Variants in TRPA1 observed in about 807,000 individuals in gnomAD.
The protein encoded by TRPA1 is transient receptor potential cation channel subfamily A member 1.
A neutral mutation model predicts 131.3 loss-of-function variants in TRPA1; 129 were observed. The ratio of observed to expected loss-of-function variants is 0.98; its 90% CI spans 0.85 to 1.14. The LOEUF is 1.14. TRPA1 is among the 50% of genes most tolerant of loss of function. TRPA1 has a pLI of 0.00. For synonymous variants in TRPA1, 441 were observed against 451.7 expected, an observed-to-expected ratio of 0.98 and a Z score of 0.30; for missense variants, 1,304 against 1,354.2, an observed-to-expected ratio of 0.96 and a Z score of 0.58.
intron 25 of TRPA1, among the ~76,000 whole-genome samples, chr8:72,024,938 A>C (rs1399627729): frequency 2.0e-5 from 3 of 152,202 alleles, no homozygotes; most frequent in African/African-American, 7.2e-5. Flanking sequence ...AAAAGAACTC[A>C]GGAAGAACAG....
chr8:72,063,029 A>G, intron 5 of TRPA1, 85 bp from the exon 6 acceptor site: 5 of 1,327,572 alleles, frequency 3.8e-6, no homozygotes, highest in Non-Finnish European at 5.2e-6. Flanking sequence ...GAACAAAGGT[A>G]AAAAAACAAT....
At chr8:72,037,926 T>G in intron 20 of TRPA1, 57 bp downstream of exon 20, 1 of 1,028,864 alleles carries the variant, frequency 9.7e-7, no homozygotes, top group East Asian at 2.5e-5. Context: ...ATCAATTAAC[T>G]TATGTTCTGC....
rs753787981 is a variant in TRPA1, at chr8:72,033,647, TA to T, written c.2864del (p.Leu955TyrfsTer19). On this transcript the variant is annotated frameshift_variant, in exon 23 of 27. Coordinates refer to ENST00000262209, the MANE Select transcript of TRPA1 (RefSeq NM_007332.3). LOFTEE classifies it high-confidence loss of function. ...AATATAAGAAAAAACTACTTACAAG[TA>T]AATTCATGAGGACAATTGGGACAAA... ...TIFVPIVLMN[L>X]LIGLAVGDIA... The T allele has an allele frequency of 1.2e-6, 2 of 1,613,216 alleles. No homozygotes were observed. Among genetic ancestry groups the T allele is most frequent in the Non-Finnish European group, 1.7e-6 (2 of 1,179,470 alleles).
the TRPA1 span, among the ~76,000 whole-genome samples, chr8:72,084,630 G>A: frequency 1.4e-5 from 2 of 145,622 alleles, no homozygotes; most frequent in African/African-American, 5.1e-5. Flanking sequence ...TATTTTATAC[G>A]TGCTCTTAAA....
At chr8:72,060,874 T>A (rs1457625754) in intron 7 of TRPA1, among the ~76,000 whole-genome samples, 1 of 146,368 alleles carries the variant, frequency 6.8e-6, no homozygotes, top group African/African-American at 2.6e-5. Flanking sequence ...TTTTTTTTTT[T>A]CTAAGAGATA....
chr8:72,061,544 G>A (rs1230668889), intron 7 of TRPA1, 81 bp downstream of exon 7: 1 of 1,539,256 alleles, frequency 6.5e-7, no homozygotes, highest in Non-Finnish European at 9.0e-7. Context: ...GCTAGCATTA[G>A]TGCTAACTGC....
At chr8:72,079,258 A>T (rs952631285), upstream of TRPA1, among the ~76,000 whole-genome samples, 3 of 151,892 alleles carry the variant, frequency 2.0e-5, no homozygotes, top group Non-Finnish European at 2.9e-5. Context: ...CTAATTTGTT[A>T]ATTTCCTATA....
At chr8:72,038,301 G>A (rs1456266528) in intron 19 of TRPA1, among the ~76,000 whole-genome samples, 1 of 151,626 alleles carries the variant, frequency 6.6e-6, no homozygotes, top group Non-Finnish European at 1.5e-5. Context: ...TTCAAAAATT[G>A]CTAATTGAAT....
chr8:72,089,054 A>G, the TRPA1 span, among the ~76,000 whole-genome samples: 1 of 152,216 alleles, frequency 6.6e-6, no homozygotes, highest in Non-Finnish European at 1.5e-5. Context: ...TTTTAGAATA[A>G]AATAAGATGT....
At chr8:72,086,975 A>AG in the TRPA1 span, among the ~76,000 whole-genome samples, 1 of 152,212 alleles carries the variant, frequency 6.6e-6, no homozygotes, top group Admixed American at 6.5e-5. Flanking sequence ...GTTGGTACTT[A>AG]TTTAAGTACC....
At chr8:72,048,838 T>G (rs1379417636) in intron 15 of TRPA1, among the ~76,000 whole-genome samples, 1 of 152,202 alleles carries the variant, frequency 6.6e-6, no homozygotes, top group Non-Finnish European at 1.5e-5. Context: ...CAGATAATTC[T>G]TATTAACATT....
At chr8:72,038,557 G>A (rs1812139924) in intron 19 of TRPA1, among the ~76,000 whole-genome samples, 1 of 151,950 alleles carries the variant, frequency 6.6e-6, no homozygotes, top group African/African-American at 2.4e-5. Flanking sequence ...ATGTCCCACA[G>A]TCCCTGGCAA....
Position 72,033,732 on chromosome 8 carries a change from A to G in TRPA1, c.2780T>C (p.Leu927Pro), listed in dbSNP as rs938763034. 1.9e-6 allele frequency: 3 copies of G among 1,614,096 alleles called. No individual in the cohort carries two copies. Among genetic ancestry groups the G allele is most frequent in the Admixed American group, 1.7e-5 (1 of 60,032 alleles). The change falls in exon 23 of 27, where the codon CTG becomes CCG. Residue 927 changes from leucine to proline, a missense_variant. Leu to Pro is a moderately conservative substitution (Grantham distance 98, BLOSUM62 -3). Coordinates refer to ENST00000262209, the MANE Select transcript of TRPA1 (RefSeq NM_007332.3). ...NYRESFLEPYLRNELAHPVLS... is the reference protein window; with the variant it reads ...NYRESFLEPYPRNELAHPVLS... ...AACTGGATGTGCCAATTCATTTCTC[A>G]GATATGGTTCTAGGAAGGACTCTCG...
intron 15 of TRPA1, among the ~76,000 whole-genome samples, chr8:72,049,344 T>C (rs1046003909): frequency 6.6e-6 from 1 of 152,286 alleles, no homozygotes; most frequent in East Asian, 1.9e-4. Flanking sequence ...CAGAAAATAA[T>C]GCTCAGAGAG....
intron 17 of TRPA1, among the ~76,000 whole-genome samples, chr8:72,041,749 G>A (rs932140187): frequency 3.3e-5 from 5 of 151,752 alleles, no homozygotes; most frequent in Non-Finnish European, 5.9e-5. Flanking sequence ...AAATACTTAT[G>A]TTATAAAAGA....
intron 22 of TRPA1, 103 bp downstream of exon 22, chr8:72,034,145 T>C (rs1370442278): frequency 5.8e-6 from 7 of 1,214,160 alleles, no homozygotes; most frequent in Admixed American, 2.2e-5. Context: ...TTGAATACTG[T>C]TGTTATGTAA....
the TRPA1 span, among the ~76,000 whole-genome samples, chr8:72,087,398 G>A: frequency 2.0e-4 from 31 of 152,270 alleles, no homozygotes; most frequent in East Asian, 3.5e-3. Flanking sequence ...GCAAAAGAAG[G>A]AGGAATTGAT....
At chr8:72,065,358 G>C (rs1418116378) in intron 4 of TRPA1, 93 bp downstream of exon 4, 121 of 1,176,888 alleles carry the variant, frequency 1.0e-4, no homozygotes, top group Non-Finnish European at 1.2e-4. Context: ...TTTTTCTAAG[G>C]AGAAAAACTT....
At chr8:72,030,346 G>A (rs1811767517) in intron 23 of TRPA1, among the ~76,000 whole-genome samples, 1 of 152,138 alleles carries the variant, frequency 6.6e-6, no homozygotes, top group Admixed American at 6.5e-5. Context: ...TCTTCTTGGT[G>A]ATTAGGTTTC....
Sources: gnomAD v4.1 joint callset for allele counts (sites outside exome capture counted in the v4.1 genomes callset) on GRCh38, gnomAD v4.1.1 for gene constraint, MANE v1.5 for transcripts, NCBI Gene and HGNC (gene_info 2026-07-23, HGNC 2026-07-21) for gene names.